MYOCD: variants seen among roughly 807,000 people sequenced by gnomAD.
The protein encoded by MYOCD is myocardin.
MYOCD carries 32 observed loss-of-function variants against 96.1 expected under a neutral mutation model. That is an observed-to-expected ratio of 0.33 (90% confidence interval 0.25 to 0.45). The LOEUF (loss-of-function observed/expected upper bound fraction) is 0.45. Among genes scored for constraint, MYOCD ranks in the 20% least tolerant of loss-of-function variants. The pLI is 1.00. For synonymous variants in MYOCD, 469 were observed against 469.0 expected (o/e 1.00, Z 0.00); for missense variants, 1,133 against 1,200.6 (o/e 0.94, Z 0.83).
chr17:12,752,728 C>T lies in MYOCD; in HGVS notation c.1440C>T (p.Pro480=), dbSNP rs756914276. The stretch of plus-strand genomic sequence containing the variant: ...CGGACACCTTCAATGATGCCTCCCC[C>T]TCCTTCGGCCTGCACCCGTCCCCAG... ...SLPDTFNDAS[P]SFGLHPSPVH... is the part of the protein sequence containing the mutation. Residue 480 remains proline, a synonymous_variant, in exon 10 of 14, where the codon CCC becomes CCT. Coordinates refer to ENST00000425538, the MANE Select transcript of MYOCD (RefSeq NM_001146312.3). 2 of 1,614,064 alleles carry T rather than the reference C, an allele frequency of 1.2e-6. No individual in the cohort carries two copies. The highest frequency in any genetic ancestry group is 1.3e-5 in the African/African-American group (1 of 74,932).
intron 6 of MYOCD, among the ~76,000 whole-genome samples, chr17:12,738,966 T>C (rs1025636413): frequency 2.0e-5 from 3 of 152,078 alleles, no homozygotes; most frequent in Non-Finnish European, 4.4e-5. Flanking sequence ...TATATATGTA[T>C]ATATGTATAT....
At chr17:12,687,093 C>T (rs542967218) in intron 1 of MYOCD, among the ~76,000 whole-genome samples, 3 of 151,978 alleles carry the variant, frequency 2.0e-5, no homozygotes, top group Non-Finnish European at 2.9e-5. Flanking sequence ...CCATGCAAAC[C>T]GATGATTTTA....
In MYOCD at chr17:12,739,250, G is replaced by A. The variant is rs1477382159; in HGVS notation, c.639G>A (p.Gln213=). Residue 213 remains glutamine, a synonymous_variant, in exon 7 of 14, where the codon CAG becomes CAA. Coordinates refer to ENST00000425538, the MANE Select transcript of MYOCD (RefSeq NM_001146312.3). Reference sequence around the variant, plus strand: ...ATGACAGAAATGACTCAGCCTCACAGCCCAGCCACCAGTCAGATGCGGGGA... The same window carrying A: ...ATGACAGAAATGACTCAGCCTCACAACCCAGCCACCAGTCAGATGCGGGGA... ...SENDRNDSAS[Q]PSHQSDAGKQ... 3 of 1,610,590 alleles carry A rather than the reference G, an allele frequency of 1.9e-6. No homozygotes were observed. In the African/African-American group the frequency reaches 4.0e-5, roughly 22 times the overall value.
intron 4 of MYOCD, among the ~76,000 whole-genome samples, chr17:12,719,712 A>G (rs969216732): frequency 1.3e-5 from 2 of 149,542 alleles, no homozygotes; most frequent in African/African-American, 4.9e-5. Context: ...AAAAAAAAAA[A>G]AAAAATTAGC....
intron 5 of MYOCD, among the ~76,000 whole-genome samples, chr17:12,725,157 T>C (rs1415650369): frequency 6.6e-6 from 1 of 151,972 alleles, no homozygotes; most frequent in Non-Finnish European, 1.5e-5. Context: ...TCAAAGATCT[T>C]AATAGTTCCA....
chr17:12,730,207 G>T (rs748516534), intron 5 of MYOCD, among the ~76,000 whole-genome samples: 8 of 152,156 alleles, frequency 5.3e-5, no homozygotes, highest in Non-Finnish European at 8.8e-5. Flanking sequence ...CAGCACTTTG[G>T]GAGGCTGAGC....
At chr17:12,700,870 G>C (rs2031037800) in intron 1 of MYOCD, among the ~76,000 whole-genome samples, 1 of 152,232 alleles carries the variant, frequency 6.6e-6, no homozygotes, top group South Asian at 2.1e-4. Context: ...AAATTCACCA[G>C]TAAGACTGCC....
At chr17:12,692,296 T>G (rs532357267) in intron 1 of MYOCD, among the ~76,000 whole-genome samples, 2 of 152,358 alleles carry the variant, frequency 1.3e-5, no homozygotes, top group African/African-American at 4.8e-5. Context: ...CTTCTTTAGA[T>G]TCTGCCATCC....
intron 1 of MYOCD, among the ~76,000 whole-genome samples, chr17:12,689,316 G>T (rs1382450280): frequency 6.6e-6 from 1 of 152,164 alleles, no homozygotes; most frequent in Non-Finnish European, 1.5e-5. Context: ...TTCTTGGAAA[G>T]AATCCTGAAG....
chr17:12,748,024 G>A lies in MYOCD; in HGVS notation c.1125+1952G>A, dbSNP rs1404264112. ...CGAAAAATATAAAAATTAGCTGGGC[G>A]TGGTGGTGCACGCCTGTAATCCAGC... is the stretch of plus-strand genomic sequence containing the variant. On this transcript the variant is annotated intron_variant, in intron 9 of 13. Coordinates refer to ENST00000425538, the MANE Select transcript of MYOCD (RefSeq NM_001146312.3). 8.6e-5 allele frequency among the ~76,000 whole-genome samples: 13 copies of A among 151,628 alleles called. 1 individual carries two copies. Among genetic ancestry groups the A allele is most frequent in the Non-Finnish European group, 1.5e-4 (10 of 67,858 alleles).
Position 12,717,420 on chromosome 17 carries a change from A to C in MYOCD, c.252A>C (p.Gln84His), listed in dbSNP as rs1260852053. 1 of 1,612,954 alleles carries C rather than the reference A, an allele frequency of 6.2e-7. No homozygotes were observed. Among genetic ancestry groups the C allele is most frequent in the South Asian group, 1.1e-5 (1 of 90,844 alleles). Residue 84 changes from glutamine to histidine, a missense_variant and splice_region_variant, in exon 4 of 14, where the codon CAA becomes CAC. Transcript: ENST00000425538. ...SADLVNMHIL[Q>H]ASTAERSIPT... ...ACTTGGTTAATATGCACATACTCCAAGGTAAGGCTGCAAGAAATCAGACAC... is the reference window on the plus strand; with the variant it reads ...ACTTGGTTAATATGCACATACTCCACGGTAAGGCTGCAAGAAATCAGACAC...
chr17:12,687,991 A>G (rs2030218943), intron 1 of MYOCD, among the ~76,000 whole-genome samples: 1 of 152,222 alleles, frequency 6.6e-6, no homozygotes, highest in African/African-American at 2.4e-5. Context: ...AGATTCCAGT[A>G]ACTTCTCTCT....
chr17:12,759,048 CAAAAAA>C, intron 12 of MYOCD, among the ~76,000 whole-genome samples: 1 of 142,960 alleles, frequency 7.0e-6, no homozygotes, highest in South Asian at 2.3e-4. Context: ...AACTCCATCT[CAAAAAA>C]AAAAGAAAAA....
At chr17:12,696,662 C>A (rs2030766207) in intron 1 of MYOCD, among the ~76,000 whole-genome samples, 1 of 152,126 alleles carries the variant, frequency 6.6e-6, no homozygotes, top group African/African-American at 2.4e-5. Context: ...ATTATCTTGC[C>A]TGTTTCTGAG....
At chr17:12,715,709 T>C (rs2031619518) in intron 3 of MYOCD, 135 bp downstream of exon 3, 2 of 594,526 alleles carry the variant, frequency 3.4e-6, no homozygotes, top group Admixed American at 5.9e-5. Flanking sequence ...TCATATCATG[T>C]GGAATCTTAC....
chr17:12,750,812 G>A (rs2032831868), intron 9 of MYOCD, among the ~76,000 whole-genome samples: 1 of 152,102 alleles, frequency 6.6e-6, no homozygotes, highest in African/African-American at 2.4e-5. Flanking sequence ...GATTACTAAT[G>A]ATGATATACA....
chr17:12,740,878 A>G (rs1003065506), intron 7 of MYOCD, among the ~76,000 whole-genome samples: 3 of 152,138 alleles, frequency 2.0e-5, no homozygotes, highest in Non-Finnish European at 4.4e-5. Flanking sequence ...AGCTGGGAGT[A>G]TAGGTGCACA....
At chr17:12,731,010 A>G (rs1019768155) in intron 5 of MYOCD, among the ~76,000 whole-genome samples, 4 of 152,188 alleles carry the variant, frequency 2.6e-5, no homozygotes, top group African/African-American at 9.7e-5. Flanking sequence ...CCAGCCCAAG[A>G]TCCCCAAGGG....
chr17:12,708,484 C>T (rs2031375026), intron 2 of MYOCD, among the ~76,000 whole-genome samples: 1 of 151,910 alleles, frequency 6.6e-6, no homozygotes, highest in African/African-American at 2.4e-5. Context: ...ACCTCCGTCT[C>T]CCAGGTTCAC....
Sources: allele counts gnomAD v4.1 joint callset (sites outside exome capture counted in the v4.1 genomes callset), GRCh38; gene constraint gnomAD v4.1.1; transcripts MANE v1.5; gene names NCBI Gene and HGNC (gene_info 2026-07-23, HGNC 2026-07-21).